The following GPATCH8 variants were observed in gnomAD, a reference collection of about 807,000 sequenced individuals.
GPATCH8 encodes the protein G patch domain-containing protein 8.
GPATCH8 carries 18 observed loss-of-function variants against 118.3 expected under a neutral mutation model. The observed-to-expected ratio is 0.15, with a 90% CI of 0.11 to 0.23. The LOEUF (loss-of-function observed/expected upper bound fraction) is 0.23. GPATCH8 is among the 10% of genes least tolerant of loss of function. The pLI is 1.00. For synonymous variants in GPATCH8, 659 were observed against 684.7 expected, an observed-to-expected ratio of 0.96 and a Z score of 0.59; for missense variants, 1,631 against 1,873.8, an observed-to-expected ratio of 0.87 and a Z score of 2.39.
chr17:44,459,858 A>G (rs905226269), intron 3 of GPATCH8, among the ~76,000 whole-genome samples: 8 of 152,198 alleles, frequency 5.3e-5, no homozygotes, highest in Admixed American at 1.3e-4. Flanking sequence ...AGGTCAGTAA[A>G]TATGTGTTGG....
At chr17:44,450,417 G>A (rs2051070110) in intron 3 of GPATCH8, among the ~76,000 whole-genome samples, 1 of 152,038 alleles carries the variant, frequency 6.6e-6, no homozygotes, top group Admixed American at 6.6e-5. Flanking sequence ...TTTCAACAAC[G>A]TATGCTATCA....
At chr17:44,472,984 G>A (rs1450907642) in intron 2 of GPATCH8, among the ~76,000 whole-genome samples, 1 of 151,102 alleles carries the variant, frequency 6.6e-6, no homozygotes, top group Non-Finnish European at 1.5e-5. Flanking sequence ...TTGAGCCACC[G>A]CACCCGGCCA....
chr17:44,421,910 A>C (rs1224946927), intron 6 of GPATCH8, among the ~76,000 whole-genome samples: 1 of 146,252 alleles, frequency 6.8e-6, no homozygotes, highest in Non-Finnish European at 1.5e-5. Flanking sequence ...TAGTTTTAGT[A>C]GAGACAGGGT....
At chr17:44,415,229 T>C (rs746218426) in intron 6 of GPATCH8, among the ~76,000 whole-genome samples, 1 of 152,250 alleles carries the variant, frequency 6.6e-6, no homozygotes, top group Non-Finnish European at 1.5e-5. Context: ...AGTACCATTT[T>C]TATTTTAGCC....
In GPATCH8 at chr17:44,397,906, TGGC is replaced by T; in HGVS notation, c.4168_4170del (p.Ala1390del). 1 of 1,611,792 alleles carries T rather than the reference TGGC, an allele frequency of 6.2e-7. No homozygotes were observed. The highest frequency in any genetic ancestry group is 8.5e-7 in the Non-Finnish European group (1 of 1,178,124). The stretch of plus-strand genomic sequence containing the variant: ...GGATGGGGGTGAGGGTGAATGCCGA[TGGC>T]GGCAGCAGCTGCGGCAGCATGATGT... On this transcript the variant is annotated inframe_deletion, in exon 8 of 8. Coordinates refer to ENST00000591680, the MANE Select transcript of GPATCH8 (RefSeq NM_001002909.4).
intron 6 of GPATCH8, among the ~76,000 whole-genome samples, chr17:44,406,426 C>G (rs1291885125): frequency 8.0e-6 from 1 of 124,580 alleles, no homozygotes; most frequent in Non-Finnish European, 1.6e-5. Flanking sequence ...CCAAAGAGAA[C>G]AGAAAGGGGT....
intron 3 of GPATCH8, among the ~76,000 whole-genome samples, chr17:44,458,245 T>C: frequency 6.9e-6 from 1 of 145,748 alleles, no homozygotes; most frequent in African/African-American, 2.5e-5. Context: ...AGCAAGACTC[T>C]GTCTCAAAGG....
At chr17:44,428,969 G>A (rs980514425) in intron 5 of GPATCH8, among the ~76,000 whole-genome samples, 1 of 151,750 alleles carries the variant, frequency 6.6e-6, no homozygotes, top group African/African-American at 2.4e-5. Context: ...GTGAAACCCT[G>A]TCTCTACTAA....
intron 1 of GPATCH8, among the ~76,000 whole-genome samples, chr17:44,497,185 A>G (rs954264299): frequency 6.6e-6 from 1 of 152,230 alleles, no homozygotes; most frequent in African/African-American, 2.4e-5. Flanking sequence ...GCTAGAAACC[A>G]TTTTCATTAA....
At chr17:44,475,700 A>C (rs1323908974) in intron 1 of GPATCH8, among the ~76,000 whole-genome samples, 1 of 151,544 alleles carries the variant, frequency 6.6e-6, no homozygotes, top group Admixed American at 6.6e-5. Context: ...TCTCAAAAAC[A>C]AACAAACAAA....
At chr17:44,461,707 T>C (rs2144277259) in intron 3 of GPATCH8, among the ~76,000 whole-genome samples, 1 of 152,142 alleles carries the variant, frequency 6.6e-6, no homozygotes, top group South Asian at 2.1e-4. Context: ...TTTTCGTGTG[T>C]GTGTGAGACA....
At chr17:44,430,863 C>T (rs930427401) in intron 5 of GPATCH8, among the ~76,000 whole-genome samples, 37 of 147,672 alleles carry the variant, frequency 2.5e-4, no homozygotes, top group African/African-American at 8.5e-4. Context: ...TTTGGCCAGG[C>T]TGGTCTGGAA....
chr17:44,437,097 T>C (rs1018193111), intron 3 of GPATCH8, among the ~76,000 whole-genome samples: 14 of 152,216 alleles, frequency 9.2e-5, no homozygotes, highest in Non-Finnish European at 1.6e-4. Flanking sequence ...GACTAGGAGA[T>C]GCTTTACAAT....
chr17:44,460,044 C>T (rs1040373619), intron 3 of GPATCH8, among the ~76,000 whole-genome samples: 1 of 152,172 alleles, frequency 6.6e-6, no homozygotes, highest in African/African-American at 2.4e-5. Flanking sequence ...CTGGGCTACA[C>T]CTATTGACTA....
chr17:44,455,455 G>A (rs1323119442), intron 3 of GPATCH8, among the ~76,000 whole-genome samples: 6 of 151,492 alleles, frequency 4.0e-5, no homozygotes, highest in Non-Finnish European at 7.4e-5. Context: ...AGCCGAGATC[G>A]CGTCATTGCA....
intron 3 of GPATCH8, among the ~76,000 whole-genome samples, chr17:44,439,150 G>A (rs2050608672): frequency 6.6e-6 from 1 of 152,268 alleles, no homozygotes; most frequent in African/African-American, 2.4e-5. Flanking sequence ...TAGGAGGCTT[G>A]GAGTATGGGT....
intron 3 of GPATCH8, among the ~76,000 whole-genome samples, chr17:44,450,351 C>G (rs961062473): frequency 4.6e-5 from 7 of 152,200 alleles, no homozygotes; most frequent in Admixed American, 3.9e-4. Flanking sequence ...GCAACAATTA[C>G]CTTCTCTAAA....
At chr17:44,456,565 T>A (rs1371803372) in intron 3 of GPATCH8, among the ~76,000 whole-genome samples, 1 of 152,134 alleles carries the variant, frequency 6.6e-6, no homozygotes, top group East Asian at 1.9e-4. Flanking sequence ...GAAGACTGCA[T>A]GAGGCCAGGA....
intron 1 of GPATCH8, among the ~76,000 whole-genome samples, chr17:44,499,909 A>C (rs1969933317): frequency 6.6e-6 from 1 of 152,094 alleles, no homozygotes; most frequent in African/African-American, 2.4e-5. Flanking sequence ...TAAAAAAAAA[A>C]AAAACACTTA....
Sources: gnomAD v4.1 joint callset for allele counts (sites outside exome capture counted in the v4.1 genomes callset) on GRCh38, gnomAD v4.1.1 for gene constraint, MANE v1.5 for transcripts, NCBI Gene and HGNC (gene_info 2026-07-23, HGNC 2026-07-21) for gene names.